LRRK1: variants seen among roughly 807,000 people sequenced by gnomAD.
The protein encoded by LRRK1 is leucine rich repeat kinase 1.
A neutral mutation model predicts 209.1 loss-of-function variants in LRRK1; 113 were observed. That is an observed-to-expected ratio of 0.54 (90% CI 0.46 to 0.63). The LOEUF (loss-of-function observed/expected upper bound fraction) is 0.63, where lower values mean the gene tolerates loss of function less well. Ranked by LOEUF, LRRK1 falls within the 30% of genes least tolerant of loss-of-function variation. The pLI is 0.00. For synonymous variants in LRRK1, 1,144 were observed against 1,099.7 expected (o/e 1.04, Z -0.80); for missense variants, 2,284 against 2,632.2 (o/e 0.87, Z 2.89).
At chr15:100,989,138 C>A in intron 5 of LRRK1, 112 bp from the exon 6 acceptor site, 1 of 949,558 alleles carries the variant, frequency 1.1e-6, no homozygotes, top group Non-Finnish European at 1.6e-6. Flanking sequence ...TAGAGAAGTC[C>A]AACATGCACA....
rs1239151588 is a variant in LRRK1 at position 101,010,759 on chromosome 15, C to T, written c.1203C>T (p.His401=). 6.2e-7 allele frequency: 1 copy of T among 1,613,724 alleles called. No homozygotes were observed. The highest frequency in any genetic ancestry group is 1.1e-5 in the South Asian group (1 of 91,076). The stretch of plus-strand genomic sequence containing the variant: ...CAGAACTCCCTGCCCTGTTCCTTCA[C>T]TCTTTCAAGTCCCTCAATTCTCTGA... ...KLTELPALFL[H]SFKSLNSLNV... is the part of the protein sequence containing the mutation. Residue 401 remains histidine, a synonymous_variant, in exon 9 of 34, where the codon CAC becomes CAT. Coordinates refer to ENST00000388948, the MANE Select transcript of LRRK1 (RefSeq NM_024652.6).
intron 29 of LRRK1, among the ~76,000 whole-genome samples, chr15:101,060,548 T>C (rs1438641083): frequency 6.6e-6 from 1 of 152,232 alleles, no homozygotes; most frequent in East Asian, 1.9e-4. Context: ...ATCCGCGAGC[T>C]TAACATATTC....
At chr15:101,018,351 G>T (rs557987952) in intron 12 of LRRK1, among the ~76,000 whole-genome samples, 1 of 152,270 alleles carries the variant, frequency 6.6e-6, no homozygotes, top group Non-Finnish European at 1.5e-5. Context: ...TAAATGAAGA[G>T]CCTTAGGACT....
intron 9 of LRRK1, among the ~76,000 whole-genome samples, chr15:101,011,654 A>G (rs2033254087): frequency 6.6e-6 from 1 of 152,152 alleles, no homozygotes; most frequent in African/African-American, 2.4e-5. Flanking sequence ...ACTCTTCATC[A>G]CTGGCATTAT....
intron 22 of LRRK1, 74 bp from the exon 23 acceptor site, chr15:101,049,570 T>C (rs2141128189): frequency 6.4e-7 from 1 of 1,552,682 alleles, no homozygotes; most frequent in African/African-American, 1.4e-5. Context: ...TTCCTGTCCC[T>C]GGGGGTAGGG....
rs1285436045 is a variant in LRRK1, at chr15:101,027,501, T to G, written c.2526+120T>G. On this transcript the variant is annotated intron_variant, in intron 18 of 33. Transcript: ENST00000388948. The surrounding 1 kb of genome is among the most constrained non-coding windows in gnomAD (Gnocchi z 5.1). ...TGTGGCAAGGCTCGGTGGTTCCTGG[T>G]GAGGGAGGGTCAGGATGGAAGATAG... 1.3e-6 allele frequency: 2 copies of G among 1,507,116 alleles called. No individual in the cohort carries two copies. The highest frequency in any genetic ancestry group is 8.9e-7 in the Non-Finnish European group (1 of 1,118,938). 93.4% of individuals were successfully genotyped at this position (1,507,116 alleles called of 1,614,324 possible). A position where few individuals can be genotyped will look rare whatever the true frequency, so the allele number is the denominator to read the frequency against.
intron 20 of LRRK1, among the ~76,000 whole-genome samples, chr15:101,030,570 C>T (rs1488420258): frequency 2.0e-5 from 3 of 152,138 alleles, no homozygotes; most frequent in Admixed American, 1.3e-4. Context: ...ATCACCTTCC[C>T]CCACGCCCCA....
intron 21 of LRRK1, among the ~76,000 whole-genome samples, 159 bp from the exon 22 acceptor site, chr15:101,048,335 C>T (rs943788284): frequency 3.9e-5 from 6 of 152,134 alleles, no homozygotes; most frequent in South Asian, 4.1e-4. Flanking sequence ...GCTAATGTAA[C>T]GTTCAATTTG....
In LRRK1 at chr15:100,947,466, G is replaced by A. The variant is rs191969223; in HGVS notation, c.97+22737G>A. Among the ~76,000 whole-genome samples the A allele has an allele frequency of 1.8e-3, 279 of 152,184 alleles. 1 individual carries two copies. The highest frequency in any genetic ancestry group is 6.1e-3 in the African/African-American group (254 of 41,494). ...TATTATTTAATGTAGTAAGACTATCGTTTTGTTCTACTTTATATATATTTT... is the reference window on the plus strand; with the variant it reads ...TATTATTTAATGTAGTAAGACTATCATTTTGTTCTACTTTATATATATTTT... On this transcript the variant is annotated intron_variant, in intron 2 of 33. Coordinates refer to ENST00000388948, the MANE Select transcript of LRRK1 (RefSeq NM_024652.6).
chr15:101,015,988 C>CTTTTTTTTTTTTTTTTTTT (rs112045047), intron 12 of LRRK1, among the ~76,000 whole-genome samples: 1 of 143,300 alleles, frequency 7.0e-6, no homozygotes, highest in Non-Finnish European at 1.5e-5. Context: ...TCTTCCTCTT[C>CTTTTTTTTTTTTTTTTTTT]TTTTTTTTTT....
chr15:101,024,835 C>T lies in LRRK1; in HGVS notation c.2100C>T (p.Ile700=), dbSNP rs746303850. 8 of 1,614,038 alleles carry T rather than the reference C, an allele frequency of 5.0e-6. No homozygotes were observed. Among genetic ancestry groups the T allele is most frequent in the Admixed American group, 1.7e-5 (1 of 60,024 alleles). Residue 700 remains isoleucine (I), a synonymous_variant, in exon 16 of 34, where the codon ATC becomes ATT. Transcript: ENST00000388948. This position sits in a 1 kb window ranked among gnomAD's most constrained non-coding sequence, Gnocchi z 4.6. ...VESVEFNVWD[I]GGPASMATVN... Reference sequence around the variant, plus strand: ...CCGTGGAGTTCAACGTCTGGGACATCGGGGGACCGGCCAGCATGGCCACTG... The same window carrying T: ...CCGTGGAGTTCAACGTCTGGGACATTGGGGGACCGGCCAGCATGGCCACTG...
At chr15:101,056,798 A>T in intron 27 of LRRK1, 58 bp from the exon 28 acceptor site, 1 of 1,434,096 alleles carries the variant, frequency 7.0e-7, no homozygotes, top group Non-Finnish European at 9.4e-7. Context: ...CCTGAGGGCC[A>T]CCTTGTGAAG....
At chr15:101,040,975 A>G (rs1306163822) in intron 20 of LRRK1, among the ~76,000 whole-genome samples, 4 of 152,210 alleles carry the variant, frequency 2.6e-5, no homozygotes, top group Non-Finnish European at 4.4e-5. Context: ...TTTCCTACTC[A>G]TTCTATCAAT....
At chr15:100,923,494 T>C (rs2042054748) in intron 1 of LRRK1, among the ~76,000 whole-genome samples, 1 of 152,222 alleles carries the variant, frequency 6.6e-6, no homozygotes. Flanking sequence ...CTTCATCACA[T>C]GTAGGATATG....
chr15:100,956,455 C>CTTTTTCTTTTCTTTTTTTTT, intron 2 of LRRK1, among the ~76,000 whole-genome samples: 37 of 60,520 alleles, frequency 6.1e-4, no homozygotes, highest in Admixed American at 1.2e-3. Flanking sequence ...TTTTTTTTTT[C>CTTTTTCTTTTCTTTTTTTTT]TTTTTTTTTT....
chr15:101,001,736 G>T lies in LRRK1; in HGVS notation c.763-7101G>T, dbSNP rs80152150. Among the ~76,000 whole-genome samples, 63 of 152,248 alleles carry T rather than the reference G, an allele frequency of 4.1e-4. 1 individual carries two copies. The East Asian group carries it at 0.012, about 29-fold the overall frequency. On this transcript the variant is annotated intron_variant, in intron 6 of 33. Transcript: ENST00000388948. ...ATACCTATTAACTGCTTTTACTGTG[G>T]TGTGCCCTTTTGTCACTGAGCTATA...
chr15:100,956,549 T>C (rs1367762232), intron 2 of LRRK1, among the ~76,000 whole-genome samples: 1 of 145,904 alleles, frequency 6.9e-6, no homozygotes, highest in Non-Finnish European at 1.5e-5. Flanking sequence ...CACTGCAGCC[T>C]CCACCTCCCG....
At position 100,941,462 on chromosome 15, in the gene LRRK1, CTCTGTGTG is replaced by C. The variant is rs1281829811; in HGVS notation, c.97+16735_97+16742del. The stretch of plus-strand genomic sequence containing the variant: ...TGTGTGTGTCTGTGTGTGTCTATGT[CTCTGTGTG>C]TGTGTGTGTGTGTGTGTGTGTGTGT... On this transcript the variant is annotated intron_variant, in intron 2 of 33. Transcript: ENST00000388948. Among the ~76,000 whole-genome samples the C allele has an allele frequency of 7.9e-4, 13 of 16,464 alleles. 2 individuals are homozygous for C. The highest frequency in any genetic ancestry group is 6.8e-3 in the South Asian group (2 of 292). The allele number at this position is 16,464 out of a possible 152,430, so 10.8% of individuals were successfully genotyped here. A position where few individuals can be genotyped will look rare whatever the true frequency, so the allele number is the denominator to read the frequency against.
rs192005558 is a variant in LRRK1 at position 100,988,413 on chromosome 15, G to C, written c.434-221G>C. 7.8e-3 allele frequency among the ~76,000 whole-genome samples: 1,188 copies of C among 152,206 alleles called. 15 individuals are homozygous for C. Among genetic ancestry groups the C allele is most frequent in the African/African-American group, 0.027 (1,141 of 41,532 alleles). ...AACATGCAGTATTTGGTTTTCTGTTGTTGCGTTAGTTCACTTAGGATAATG... is the reference window on the plus strand; with the variant it reads ...AACATGCAGTATTTGGTTTTCTGTTCTTGCGTTAGTTCACTTAGGATAATG... On this transcript the variant is annotated intron_variant, in intron 4 of 33. Coordinates refer to ENST00000388948, the MANE Select transcript of LRRK1 (RefSeq NM_024652.6).
Sources: gnomAD v4.1 joint callset for allele counts (sites outside exome capture counted in the v4.1 genomes callset) on GRCh38, gnomAD v4.1.1 for gene constraint, Gnocchi (gnomAD v3.1) non-coding constraint, MANE v1.5 for transcripts, NCBI Gene and HGNC (gene_info 2026-07-23, HGNC 2026-07-21) for gene names.